Variants in TAFA1 observed in about 807,000 individuals in gnomAD.
TAFA1 encodes chemokine-like protein TAFA-1.
TAFA1 carries 4 observed loss-of-function variants against 18.5 expected under a neutral mutation model. The ratio of observed to expected loss-of-function variants is 0.22; its 90% CI spans 0.11 to 0.49. The LOEUF is 0.49. Ranked by LOEUF, TAFA1 falls within the 20% of genes least tolerant of loss-of-function variation. The probability of loss-of-function intolerance (pLI) is 0.98; values close to 1 mark genes in which losing one functional copy is unlikely to be tolerated. For missense variants in TAFA1, 147 were observed against 169.0 expected (o/e 0.87, Z 0.72); for synonymous variants, 56 against 55.2 (o/e 1.01, Z -0.06).
intron 3 of TAFA1, among the ~76,000 whole-genome samples, chr3:68,519,828 T>C (rs1466804034): frequency 2.0e-5 from 3 of 152,198 alleles, no homozygotes; most frequent in African/African-American, 7.2e-5. Flanking sequence ...CCAAACACCC[T>C]ATCTCCTAAC....
At chr3:68,287,478 A>AT (rs5849812) in intron 2 of TAFA1, among the ~76,000 whole-genome samples, 25,263 of 151,824 alleles carry the variant, frequency 0.17, 3,277 homozygotes, top group African/African-American at 0.36. Context: ...GGGCAATGAG[A>AT]TTTTTTTCTT....
intron 2 of TAFA1, among the ~76,000 whole-genome samples, chr3:68,173,336 T>TTTAATGGATA (rs1435679574): frequency 0.017 from 2,599 of 152,214 alleles, 83 homozygotes; most frequent in African/African-American, 0.059. Context: ...TAAATATATA[T>TTTAATGGATA]TCTGTCATAT....
chr3:68,107,222 T>G (rs919642599), intron 2 of TAFA1, among the ~76,000 whole-genome samples: 1 of 152,058 alleles, frequency 6.6e-6, no homozygotes, highest in African/African-American at 2.4e-5. Context: ...AGAGACTGTT[T>G]TGGGGAAAGG....
At chr3:68,196,383 T>C (rs1458158429) in intron 2 of TAFA1, among the ~76,000 whole-genome samples, 1 of 151,774 alleles carries the variant, frequency 6.6e-6, no homozygotes, top group Non-Finnish European at 1.5e-5. Context: ...TAGCAATCAA[T>C]CAATCAATCT....
At chr3:68,295,111 T>TATATTTGCTCA in intron 2 of TAFA1, among the ~76,000 whole-genome samples, 1 of 56,294 alleles carries the variant, frequency 1.8e-5, no homozygotes, top group South Asian at 5.2e-4. Flanking sequence ...TCCTGAGCCC[T>TATATTTGCTCA]AACAGTTGAA....
At chr3:68,133,302 A>G (rs572824421) in intron 2 of TAFA1, among the ~76,000 whole-genome samples, 66 of 152,288 alleles carry the variant, frequency 4.3e-4, no homozygotes, top group African/African-American at 1.5e-3. Flanking sequence ...AGGTAGCATG[A>G]TGCTTCCAGC....
chr3:68,440,145 G>T (rs535290093), intron 3 of TAFA1, among the ~76,000 whole-genome samples: 2 of 152,118 alleles, frequency 1.3e-5, no homozygotes, highest in South Asian at 2.1e-4. Flanking sequence ...GATCTTTCCT[G>T]CACTGTTCTC....
rs181079508 is a variant in TAFA1, at chr3:68,307,600, T to C, written c.119-109680T>C. Among the ~76,000 whole-genome samples the C allele has an allele frequency of 1.3e-4, 19 of 151,916 alleles. No homozygotes were observed. In the East Asian group the frequency reaches 3.7e-3, roughly 30 times the overall value. Reference sequence around the variant, plus strand: ...TGTGGTTTTATTAAAGATTTGCCTCTACTTTTTTTTGGAAACAATATTTAT... The same window carrying C: ...TGTGGTTTTATTAAAGATTTGCCTCCACTTTTTTTTGGAAACAATATTTAT... On this transcript the variant is annotated intron_variant, in intron 2 of 4. Transcript: ENST00000478136.
intron 2 of TAFA1, among the ~76,000 whole-genome samples, chr3:68,090,800 G>T (rs538993457): frequency 6.6e-6 from 1 of 152,094 alleles, no homozygotes; most frequent in Non-Finnish European, 1.5e-5. Context: ...TCTGAAAGAC[G>T]GGTCAGAGAC....
At chr3:68,123,309 C>A (rs1230012461) in intron 2 of TAFA1, among the ~76,000 whole-genome samples, 1 of 152,098 alleles carries the variant, frequency 6.6e-6, no homozygotes, top group African/African-American at 2.4e-5. Flanking sequence ...GCAAAGGGTC[C>A]ACTTGGTTTA....
At chr3:68,382,369 G>A (rs1272003300) in intron 2 of TAFA1, among the ~76,000 whole-genome samples, 1 of 151,994 alleles carries the variant, frequency 6.6e-6, no homozygotes, top group Non-Finnish European at 1.5e-5. Context: ...GCTCCTCCTT[G>A]TACCTCTGTT....
the TAFA1 span, among the ~76,000 whole-genome samples, chr3:67,999,192 G>A: frequency 6.6e-6 from 1 of 151,974 alleles, no homozygotes; most frequent in Non-Finnish European, 1.5e-5. Flanking sequence ...ATATTAGCCA[G>A]CAGAAATAGA....
chr3:68,037,155 C>T (rs1359627495), intron 2 of TAFA1, among the ~76,000 whole-genome samples: 1 of 152,002 alleles, frequency 6.6e-6, no homozygotes, highest in Admixed American at 6.6e-5. Context: ...TGTTTCCAGG[C>T]AGAGAAGGGT....
chr3:68,276,637 G>A (rs1462689701), intron 2 of TAFA1, among the ~76,000 whole-genome samples: 1 of 152,142 alleles, frequency 6.6e-6, no homozygotes, highest in Non-Finnish European at 1.5e-5. Context: ...GGTTTCTGAT[G>A]AGACATCCAT....
intron 2 of TAFA1, among the ~76,000 whole-genome samples, chr3:68,349,965 G>A (rs896186991): frequency 1.3e-5 from 2 of 152,142 alleles, no homozygotes; most frequent in South Asian, 2.1e-4. Flanking sequence ...TACTCCCTAT[G>A]AACTCCCAAC....
chr3:68,164,944 C>T (rs919770794), intron 2 of TAFA1, among the ~76,000 whole-genome samples: 4 of 152,018 alleles, frequency 2.6e-5, no homozygotes, highest in Non-Finnish European at 5.9e-5. Flanking sequence ...TACTTAAATG[C>T]TGTTATGTAT....
intron 2 of TAFA1, among the ~76,000 whole-genome samples, chr3:68,259,121 C>T (rs899662379): frequency 1.3e-5 from 2 of 152,188 alleles, no homozygotes; most frequent in African/African-American, 4.8e-5. Context: ...TTTCCAAAAG[C>T]TCCCAGGTGC....
At chr3:68,366,684 G>C (rs2106805601) in intron 2 of TAFA1, among the ~76,000 whole-genome samples, 1 of 152,272 alleles carries the variant, frequency 6.6e-6, no homozygotes, top group South Asian at 2.1e-4. Context: ...CTCGGGACAG[G>C]TTATTGAACT....
chr3:68,082,684 A>G (rs531604683), intron 2 of TAFA1, among the ~76,000 whole-genome samples: 4 of 152,290 alleles, frequency 2.6e-5, no homozygotes, highest in Middle Eastern at 3.4e-3. Flanking sequence ...GTTTAGTTTT[A>G]TATTGTATTA....
Sources: allele counts gnomAD v4.1 joint callset (sites outside exome capture counted in the v4.1 genomes callset), GRCh38; gene constraint gnomAD v4.1.1; transcripts MANE v1.5; gene names NCBI Gene and HGNC (gene_info 2026-07-23, HGNC 2026-07-21).